PLEKHM3: variants seen among roughly 807,000 people sequenced by gnomAD.
PLEKHM3 encodes the protein pleckstrin homology domain-containing family M member 3.
Under a neutral mutation model 81.8 loss-of-function variants are expected in PLEKHM3, and 45 were observed. That is an observed-to-expected ratio of 0.55 (90% CI 0.43 to 0.71). PLEKHM3 has a LOEUF of 0.71. Ranked by LOEUF, PLEKHM3 falls within the 30% of genes least tolerant of loss-of-function variation. PLEKHM3 has a pLI of 0.00. For synonymous variants in PLEKHM3, 352 were observed against 356.4 expected, an observed-to-expected ratio of 0.99 and a Z score of 0.14; for missense variants, 788 against 924.3, an observed-to-expected ratio of 0.85 and a Z score of 1.91.
intron 2 of PLEKHM3, among the ~76,000 whole-genome samples, chr2:207,989,814 G>A (rs914470881): frequency 1.3e-5 from 2 of 152,224 alleles, no homozygotes; most frequent in Non-Finnish European, 2.9e-5. Flanking sequence ...CAACTTAGTT[G>A]CGTAGCAGCA....
intron 6 of PLEKHM3, among the ~76,000 whole-genome samples, chr2:207,866,901 T>G (rs2092504447): frequency 6.6e-6 from 1 of 152,222 alleles, no homozygotes; most frequent in African/African-American, 2.4e-5. Flanking sequence ...TGTTTTGTAC[T>G]CTTTGCTTTT....
intron 1 of PLEKHM3, among the ~76,000 whole-genome samples, chr2:208,016,666 A>ATACACACACACAC (rs1468410522): frequency 0.028 from 935 of 33,758 alleles, 8 homozygotes; most frequent in African/African-American, 0.046. Flanking sequence ...AAAAAAAAAA[A>ATACACACACACAC]AAATACACAC....
At chr2:207,896,864 T>A (rs922670350) in intron 6 of PLEKHM3, among the ~76,000 whole-genome samples, 3 of 152,166 alleles carry the variant, frequency 2.0e-5, no homozygotes, top group Non-Finnish European at 4.4e-5. Context: ...ATGGTTTTCT[T>A]TAAGCACAAA....
intron 6 of PLEKHM3, among the ~76,000 whole-genome samples, chr2:207,880,959 A>C: frequency 6.6e-6 from 1 of 151,356 alleles, no homozygotes; most frequent in Non-Finnish European, 1.5e-5. Context: ...TATACTGTTG[A>C]TGGGTATAGG....
At position 207,908,541 on chromosome 2, in the gene PLEKHM3, G is replaced by A. The variant is rs1330807766; in HGVS notation, c.1923C>T (p.His641=). The part of the protein sequence containing the change: ...FPREYLLQQI[H]LYSLADLQQV... ...GCTGCAGGTCGGCAAGTGAATACAG[G>A]TGGATCTGTTGAAGGAGGTATTCTC... Residue 641 remains histidine, a synonymous_variant, in exon 6 of 8, where the codon CAC becomes CAT. Transcript: ENST00000427836. 6.8e-6 allele frequency: 11 copies of A among 1,613,050 alleles called. No homozygotes were observed. Among genetic ancestry groups the A allele is most frequent in the Non-Finnish European group, 9.3e-6 (11 of 1,179,750 alleles).
intron 7 of PLEKHM3, among the ~76,000 whole-genome samples, chr2:207,845,119 GT>G (rs2092375648): frequency 6.6e-6 from 1 of 152,120 alleles, no homozygotes; most frequent in African/African-American, 2.4e-5. Flanking sequence ...TTGTTAAGTG[GT>G]TTAAATATTC....
In PLEKHM3 at chr2:207,908,525, C is replaced by T. The variant is rs1243136435; in HGVS notation, c.1939G>A (p.Asp647Asn). ...LQQIHLYSLA[D>N]LQQVIEGKLA... ...CTCTGAGCACTTACCTGCTGCAGGT[C>T]GGCAAGTGAATACAGGTGGATCTGT... Residue 647 changes from aspartate (D) to asparagine (N), a missense_variant, in exon 6 of 8, where the codon GAC (aspartate) becomes AAC (asparagine). Transcript: ENST00000427836. 3.7e-6 allele frequency: 6 copies of T among 1,611,410 alleles called. No homozygotes were observed. Among genetic ancestry groups the T allele is most frequent in the Non-Finnish European group, 5.1e-6 (6 of 1,179,234 alleles).
intron 5 of PLEKHM3, among the ~76,000 whole-genome samples, chr2:207,912,964 G>A (rs967261015): frequency 1.3e-5 from 2 of 152,062 alleles, no homozygotes; most frequent in Non-Finnish European, 2.9e-5. Context: ...TGTGGGCCCC[G>A]GCAGCTTCCC....
intron 5 of PLEKHM3, among the ~76,000 whole-genome samples, chr2:207,922,137 C>T (rs1466770377): frequency 6.6e-6 from 1 of 152,138 alleles, no homozygotes; most frequent in Non-Finnish European, 1.5e-5. Flanking sequence ...CACATCCTTG[C>T]TGGTGGTTGT....
Position 208,001,582 on chromosome 2 carries a change from A to G in PLEKHM3, c.58T>C (p.Phe20Leu), listed in dbSNP as rs1298555223. The change falls in exon 2 of 8, where the codon TTT becomes CTT. Residue 20 changes from phenylalanine to leucine, a missense_variant. Transcript: ENST00000427836. ...TCTAGATTACTATCCAAAGTACTAAAGAATTCCTCCGTAACTTCTAAGGCT... is the reference window on the plus strand; with the variant it reads ...TCTAGATTACTATCCAAAGTACTAAGGAATTCCTCCGTAACTTCTAAGGCT... ...SPALEVTEEFFSTLDSNLEKA... is the reference protein window; with the variant it reads ...SPALEVTEEFLSTLDSNLEKA... The G allele has an allele frequency of 6.2e-7, 1 of 1,614,100 alleles. No individual in the cohort carries two copies. The highest frequency in any genetic ancestry group is 1.7e-5 in the Admixed American group (1 of 60,004).
intron 2 of PLEKHM3, among the ~76,000 whole-genome samples, chr2:207,992,002 T>C (rs1691915072): frequency 6.6e-6 from 1 of 152,244 alleles, no homozygotes; most frequent in Non-Finnish European, 1.5e-5. Flanking sequence ...CTGAAAGCAT[T>C]CTGACTGACT....
At chr2:207,858,841 T>C (rs886739020) in intron 7 of PLEKHM3, among the ~76,000 whole-genome samples, 14 of 152,084 alleles carry the variant, frequency 9.2e-5, no homozygotes, top group Non-Finnish European at 1.5e-4. Context: ...TTAAAGTATA[T>C]ACAATTCACT....
At chr2:207,982,938 A>G (rs993901338) in intron 2 of PLEKHM3, among the ~76,000 whole-genome samples, 2 of 152,112 alleles carry the variant, frequency 1.3e-5, no homozygotes, top group Admixed American at 6.5e-5. Flanking sequence ...TACAGTATAT[A>G]ATACATATAA....
chr2:207,931,069 G>T lies in PLEKHM3; in HGVS notation c.1743C>A (p.Leu581=), dbSNP rs1419929815. 1 of 1,613,922 alleles carries T rather than the reference G, an allele frequency of 6.2e-7. No individual in the cohort carries two copies. The highest frequency in any genetic ancestry group is 8.5e-7 in the Non-Finnish European group (1 of 1,179,932). ...TGGCGTTCTCCTGCTGGATGTCGAT[G>T]AGCGGCTCTTCGTACACGTACTCCA... ...EFLEYVYEEP[L]IDIQQENAML... Residue 581 remains leucine, a synonymous_variant, in exon 5 of 8, where the codon CTC becomes CTA. Transcript: ENST00000427836.
intron 6 of PLEKHM3, chr2:207,869,789 A>G (rs967988704): frequency 1.3e-5 from 2 of 152,168 alleles, no homozygotes; most frequent in African/African-American, 2.4e-5. Flanking sequence ...TCCCTGACAA[A>G]TATGTCAAAT....
intron 6 of PLEKHM3, 29 bp from the exon 7 acceptor site, chr2:207,861,291 CACATTTATTGAGAACA>C: frequency 1.9e-6 from 3 of 1,609,716 alleles, no homozygotes; most frequent in Non-Finnish European, 2.5e-6. Context: ...GACAGGGAAG[CACATTTATTGAGAACA>C]GAAGTCTTGT....
intron 7 of PLEKHM3, among the ~76,000 whole-genome samples, chr2:207,853,299 C>A (rs1263623394): frequency 6.6e-6 from 1 of 151,898 alleles, no homozygotes; most frequent in African/African-American, 2.4e-5. Context: ...TGCTTGTAAT[C>A]CCAGCTACTT....
intron 6 of PLEKHM3, among the ~76,000 whole-genome samples, chr2:207,865,801 A>AAATATATAT: frequency 1.6e-4 from 4 of 25,290 alleles, no homozygotes; most frequent in African/African-American, 8.3e-4. Context: ...AAAAAAAAAA[A>AAATATATAT]AGATATATAT....
At chr2:207,908,668 T>G in intron 5 of PLEKHM3, 91 bp from the exon 6 acceptor site, 1 of 1,145,840 alleles carries the variant, frequency 8.7e-7, no homozygotes, top group Admixed American at 2.2e-5. Flanking sequence ...AGAATTCCTT[T>G]CCTCTGCCCT....
Sources: gnomAD v4.1 joint callset for allele counts (sites outside exome capture counted in the v4.1 genomes callset) on GRCh38, gnomAD v4.1.1 for gene constraint, MANE v1.5 for transcripts, NCBI Gene and HGNC (gene_info 2026-07-23, HGNC 2026-07-21) for gene names.